The following MEI4 variants were observed in gnomAD, a reference collection of about 807,000 sequenced individuals.
MEI4 encodes meiotic double-stranded break formation protein 4.
Under a neutral mutation model 31.4 loss-of-function variants are expected in MEI4, and 27 were observed. The ratio of observed to expected loss-of-function variants is 0.86; its 90% CI spans 0.63 to 1.19. The LOEUF (loss-of-function observed/expected upper bound fraction) is 1.19, where lower values mean the gene tolerates loss of function less well. MEI4 is among the 50% of genes most tolerant of loss of function. The pLI, the probability that MEI4 is intolerant of heterozygous loss-of-function variation, is 0.00. For synonymous variants in MEI4, 122 were observed against 145.4 expected (o/e 0.84, Z 1.16); for missense variants, 329 against 398.9 (o/e 0.82, Z 1.49).
At chr6:77,735,228 T>C (rs1767152421) in intron 2 of MEI4, among the ~76,000 whole-genome samples, 1 of 152,034 alleles carries the variant, frequency 6.6e-6, no homozygotes, top group African/African-American at 2.4e-5. Flanking sequence ...CTGCAGAGTG[T>C]TTTCCAACTT....
intron 4 of MEI4, among the ~76,000 whole-genome samples, chr6:77,909,586 A>G (rs1009441021): frequency 1.3e-5 from 2 of 152,144 alleles, no homozygotes; most frequent in African/African-American, 4.8e-5. Flanking sequence ...AACCAACAAA[A>G]GTCCAGGACC....
chr6:77,793,785 T>C (rs1263712848), intron 3 of MEI4, among the ~76,000 whole-genome samples: 1 of 151,758 alleles, frequency 6.6e-6, no homozygotes, highest in Non-Finnish European at 1.5e-5. Context: ...AAGCCTCTAA[T>C]TGATACAGAA....
At chr6:77,854,120 A>G (rs919453178) in intron 4 of MEI4, among the ~76,000 whole-genome samples, 2 of 152,154 alleles carry the variant, frequency 1.3e-5, no homozygotes, top group African/African-American at 4.8e-5. Context: ...CAAAAGTATC[A>G]TACTGAGTGT....
intron 4 of MEI4, among the ~76,000 whole-genome samples, chr6:77,857,313 T>C (rs1770768767): frequency 6.6e-6 from 1 of 152,194 alleles, no homozygotes; most frequent in East Asian, 1.9e-4. Flanking sequence ...AAGCAAATAG[T>C]TGAAGCAGTG....
At chr6:77,746,835 C>T (rs540835742) in intron 2 of MEI4, among the ~76,000 whole-genome samples, 4 of 151,922 alleles carry the variant, frequency 2.6e-5, no homozygotes, top group South Asian at 2.1e-4. Context: ...GAGGGATAGC[C>T]ACAATATTAG....
intron 2 of MEI4, among the ~76,000 whole-genome samples, chr6:77,744,486 C>T (rs537253814): frequency 3.9e-5 from 6 of 152,000 alleles, no homozygotes; most frequent in Admixed American, 2.0e-4. Context: ...ACCAAATCTA[C>T]GTCTGATTGG....
At chr6:77,728,595 T>C (rs538332008) in intron 2 of MEI4, among the ~76,000 whole-genome samples, 11 of 152,256 alleles carry the variant, frequency 7.2e-5, no homozygotes, top group African/African-American at 2.4e-4. Flanking sequence ...ATAAGCCAGA[T>C]TGAAGTGATG....
chr6:77,815,178 C>T (rs1769660924), intron 3 of MEI4, among the ~76,000 whole-genome samples: 1 of 152,036 alleles, frequency 6.6e-6, no homozygotes, highest in Non-Finnish European at 1.5e-5. Context: ...GCCCTCTCCT[C>T]CAGCAACCAA....
chr6:77,744,810 A>G (rs989386447), intron 2 of MEI4, among the ~76,000 whole-genome samples: 5 of 152,228 alleles, frequency 3.3e-5, no homozygotes, highest in African/African-American at 7.2e-5. Context: ...GTGGGGGCCA[A>G]TATTCAACAT....
At chr6:77,796,844 A>G (rs545335105) in intron 3 of MEI4, among the ~76,000 whole-genome samples, 60 of 152,298 alleles carry the variant, frequency 3.9e-4, no homozygotes, top group African/African-American at 1.4e-3. Context: ...AAATGCTAAA[A>G]TTCCTGTGGA....
At chr6:77,810,055 C>A (rs1018403321) in intron 3 of MEI4, among the ~76,000 whole-genome samples, 5 of 152,050 alleles carry the variant, frequency 3.3e-5, no homozygotes, top group African/African-American at 1.2e-4. Context: ...GTTGGGCATA[C>A]CTAAATGAAT....
intron 3 of MEI4, among the ~76,000 whole-genome samples, chr6:77,787,029 G>T (rs549584745): frequency 6.6e-6 from 1 of 152,216 alleles, no homozygotes; most frequent in South Asian, 2.1e-4. Flanking sequence ...TTCTGAAATG[G>T]TCCTGTATTT....
At chr6:77,761,020 T>C (rs1768031393) in intron 2 of MEI4, 110 bp from the exon 3 acceptor site, 2 of 698,428 alleles carry the variant, frequency 2.9e-6, no homozygotes, top group South Asian at 1.6e-4. Context: ...AAATGCTTAA[T>C]GTGTATTTAT....
chr6:77,746,471 T>C (rs1281196186), intron 2 of MEI4, among the ~76,000 whole-genome samples: 1 of 152,134 alleles, frequency 6.6e-6, no homozygotes, highest in Non-Finnish European at 1.5e-5. Flanking sequence ...TTATCCTGCT[T>C]TCACACTCAA....
At position 77,925,452 on chromosome 6, in the gene MEI4, A is replaced by G. The variant is rs932939604; in HGVS notation, c.*2106A>G. 4.6e-5 allele frequency: 7 copies of G among 151,158 alleles called. No homozygotes were observed. The highest frequency in any genetic ancestry group is 1.5e-4 in the African/African-American group (6 of 40,910). The allele number at this position is 151,158 out of a possible 1,614,324, so 9.4% of individuals were successfully genotyped here. ...ATTAAGGTCCAAATCTACTGGTCAA[A>G]AAGAAGATAAAATGATAAAATGAGA... On this transcript the variant is annotated 3_prime_UTR_variant, in exon 5 of 5. Coordinates refer to ENST00000684080, the MANE Select transcript of MEI4 (RefSeq NM_001322247.2).
intron 4 of MEI4, among the ~76,000 whole-genome samples, chr6:77,858,690 C>A (rs937347666): frequency 1.3e-5 from 2 of 151,990 alleles, no homozygotes; most frequent in Non-Finnish European, 2.9e-5. Flanking sequence ...TGATTTAGAC[C>A]TTTCACCAGC....
At chr6:77,884,280 A>G (rs1426391677) in intron 4 of MEI4, among the ~76,000 whole-genome samples, 13 of 152,130 alleles carry the variant, frequency 8.5e-5, no homozygotes, top group Admixed American at 8.5e-4. Flanking sequence ...CAGTTAGCAA[A>G]TATTTTCCCT....
intron 4 of MEI4, among the ~76,000 whole-genome samples, chr6:77,897,904 C>T (rs1307241581): frequency 6.6e-6 from 1 of 151,888 alleles, no homozygotes; most frequent in Admixed American, 6.6e-5. Flanking sequence ...CTTTATACTC[C>T]CTCAGTATAG....
At chr6:77,661,973 C>T (rs934463693) in intron 1 of MEI4, among the ~76,000 whole-genome samples, 3 of 152,110 alleles carry the variant, frequency 2.0e-5, no homozygotes, top group African/African-American at 7.2e-5. Context: ...GTGAATGACC[C>T]CAGCTTCTTT....
Sources: gnomAD v4.1 joint callset for allele counts (sites outside exome capture counted in the v4.1 genomes callset) on GRCh38, gnomAD v4.1.1 for gene constraint, MANE v1.5 for transcripts, NCBI Gene and HGNC (gene_info 2026-07-23, HGNC 2026-07-21) for gene names.